AMDHD1: variants seen among roughly 807,000 people sequenced by gnomAD.
The protein encoded by AMDHD1 is amidohydrolase domain containing 1, also known as probable imidazolonepropionase.
AMDHD1 carries 45 observed loss-of-function variants against 44.1 expected under a neutral mutation model. The observed-to-expected ratio is 1.02, with a 90% CI of 0.80 to 1.31. AMDHD1 has a LOEUF of 1.31. Among genes scored for constraint, AMDHD1 ranks in the 50% most tolerant of loss-of-function variants. The pLI, the probability that AMDHD1 is intolerant of heterozygous loss-of-function variation, is 0.00. For synonymous variants in AMDHD1, 206 were observed against 205.0 expected (o/e 1.00, Z -0.04); for missense variants, 586 against 552.1 (o/e 1.06, Z -0.61).
At chr12:95,955,512 A>G (rs945796982) in intron 3 of AMDHD1, among the ~76,000 whole-genome samples, 1 of 152,170 alleles carries the variant, frequency 6.6e-6, no homozygotes, top group African/African-American at 2.4e-5. Context: ...TTATTTCAGG[A>G]AAAGAAAAAA....
chr12:95,965,610 GTTCTC>G, intron 6 of AMDHD1, 71 bp from the exon 7 acceptor site: 1 of 913,422 alleles, frequency 1.1e-6, no homozygotes, highest in Non-Finnish European at 1.7e-6. Context: ...ACTGTCTCAA[GTTCTC>G]TTCTGTTCTG....
intron 2 of AMDHD1, among the ~76,000 whole-genome samples, chr12:95,954,706 T>C (rs987399087): frequency 4.6e-5 from 7 of 152,184 alleles, no homozygotes; most frequent in African/African-American, 7.2e-5. Flanking sequence ...CATTAGAGCT[T>C]TCTAGACCAA....
At chr12:95,955,088 A>T in intron 3 of AMDHD1, 113 bp downstream of exon 3, 1 of 1,042,120 alleles carries the variant, frequency 9.6e-7, no homozygotes, top group African/African-American at 1.6e-5. Context: ...TTTTTAATGG[A>T]TATTTTTACT....
chr12:95,957,912 G>A (rs936921599), intron 4 of AMDHD1, among the ~76,000 whole-genome samples: 1 of 152,094 alleles, frequency 6.6e-6, no homozygotes, highest in Non-Finnish European at 1.5e-5. Context: ...AATTAGCGAG[G>A]CGTGGTGGCC....
intron 3 of AMDHD1, among the ~76,000 whole-genome samples, chr12:95,956,103 G>GTTTTA (rs1592823463): frequency 1.3e-5 from 2 of 151,934 alleles, no homozygotes; most frequent in East Asian, 3.9e-4. Context: ...GTTTTGTTTT[G>GTTTTA]TTTTGTTTGT....
At chr12:95,944,854 C>T (rs1171034489) in intron 1 of AMDHD1, among the ~76,000 whole-genome samples, 1 of 152,134 alleles carries the variant, frequency 6.6e-6, no homozygotes, top group Non-Finnish European at 1.5e-5. Flanking sequence ...ATCAATGCGA[C>T]CAGGCACAGT....
chr12:95,948,580 C>G lies in AMDHD1; in HGVS notation c.138-4137C>G, dbSNP rs1214856782. ...CCCACCGCCCAGCCAGCCGACCCGT[C>G]CGGGAGGTGAGGGGCGCCTCTGCCC... On this transcript the variant is annotated intron_variant, in intron 1 of 8. Transcript: ENST00000266736. Among the ~76,000 whole-genome samples, 17 of 83,964 alleles carry G rather than the reference C, an allele frequency of 2.0e-4. 2 individuals carry two copies. The highest frequency in any genetic ancestry group is 8.5e-4 in the African/African-American group (17 of 20,074). The allele number at this position is 83,964 out of a possible 152,430, so 55.1% of individuals were successfully genotyped here.
rs181780914 is a variant in AMDHD1 at position 95,956,922 on chromosome 12, G to C, written c.547G>C (p.Gly183Arg). The part of the protein sequence containing the change: ...IERARRELDI[G>R]ISATYCGAHS... Reference sequence around the variant, plus strand: ...GCGCGCCCGGCGGGAGCTGGACATCGGCATCTCGGCTACCTACTGCGGGGC... The same window carrying C: ...GCGCGCCCGGCGGGAGCTGGACATCCGCATCTCGGCTACCTACTGCGGGGC... Residue 183 changes from glycine to arginine, a missense_variant, in exon 4 of 9, where the codon GGC becomes CGC. Gly to Arg is a moderately radical substitution (Grantham distance 125). Transcript: ENST00000266736. The C allele has an allele frequency of 5.0e-6, 8 of 1,612,702 alleles. No homozygotes were observed. Among genetic ancestry groups the C allele is most frequent in the South Asian group, 1.1e-5 (1 of 91,010 alleles).
chr12:95,965,990 A>G (rs1422106089), intron 7 of AMDHD1, among the ~76,000 whole-genome samples: 1 of 152,242 alleles, frequency 6.6e-6, no homozygotes, highest in Non-Finnish European at 1.5e-5. Flanking sequence ...AAGCTTCTAC[A>G]TGCATTATTT....
rs73214305 is a variant in AMDHD1 at position 95,954,434 on chromosome 12, G to A, written c.245-477G>A. On this transcript the variant is annotated intron_variant, in intron 2 of 8. Coordinates refer to ENST00000266736, the MANE Select transcript of AMDHD1 (RefSeq NM_152435.3). ...CATGGCAAATTTTAGCTTGTGTGGT[G>A]GTGCATGACTATAGTCCCAGCTACT... is the stretch of plus-strand genomic sequence containing the variant. Among the ~76,000 whole-genome samples the A allele has an allele frequency of 1.0e-3, 153 of 152,076 alleles. 1 individual carries two copies. The highest frequency in any genetic ancestry group is 2.0e-3 in the Non-Finnish European group (137 of 67,982).
chr12:95,949,160 G>GAAAAAAAAAAAAAAAAAAAAAAAAA (rs1358481972), intron 1 of AMDHD1, among the ~76,000 whole-genome samples: 5 of 101,774 alleles, frequency 4.9e-5, no homozygotes, highest in Non-Finnish European at 9.0e-5. Flanking sequence ...AAAAAAAAAA[G>GAAAAAAAAAAAAAAAAAAAAAAAAA]AAAAAAAAAA....
chr12:95,944,393 T>G (rs1336518846), intron 1 of AMDHD1, among the ~76,000 whole-genome samples: 2 of 151,720 alleles, frequency 1.3e-5, no homozygotes, highest in Admixed American at 1.3e-4. Flanking sequence ...CATGAGCCAC[T>G]GCGCCCAGCC....
At chr12:95,962,640 C>T (rs771512929) in intron 6 of AMDHD1, among the ~76,000 whole-genome samples, 161 bp downstream of exon 6, 1 of 152,206 alleles carries the variant, frequency 6.6e-6, no homozygotes, top group South Asian at 2.1e-4. Flanking sequence ...GACTGATGTT[C>T]GTAAACGAAT....
intron 5 of AMDHD1, among the ~76,000 whole-genome samples, chr12:95,961,194 T>C (rs1421776730): frequency 1.3e-5 from 2 of 151,872 alleles, no homozygotes; most frequent in Non-Finnish European, 2.9e-5. Flanking sequence ...TGATCTCTTT[T>C]ACTAAATTTC....
intron 6 of AMDHD1, among the ~76,000 whole-genome samples, chr12:95,964,928 C>CAAAAAAAAAAAAA (rs60076877): frequency 0.023 from 809 of 35,774 alleles, 228 homozygotes; most frequent in African/African-American, 0.045. Flanking sequence ...ATGTTTGAGG[C>CAAAAAAAAAAAAA]AAAAAAAAAA....
Position 95,949,148 on chromosome 12 carries a change from AAAAAAAAAAAAG to A in AMDHD1, c.138-3557_138-3546del, listed in dbSNP as rs1362593437. Among the ~76,000 whole-genome samples the A allele has an allele frequency of 7.5e-5, 11 of 145,872 alleles. 1 individual carries two copies. The highest frequency in any genetic ancestry group is 1.4e-4 in the Non-Finnish European group (9 of 66,066). Reference sequence around the variant, plus strand: ...TCAATAAAAAAATAAATTAAAAAAAAAAAAAAAAAAAGAAAAAAAAAAAAAAAAAAGAGACTG... The same window carrying A: ...TCAATAAAAAAATAAATTAAAAAAAAAAAAAAAAAAAAAAAAAAGAGACTG... On this transcript the variant is annotated intron_variant, in intron 1 of 8. Coordinates refer to ENST00000266736, the MANE Select transcript of AMDHD1 (RefSeq NM_152435.3).
chr12:95,954,573 TAAATA>T lies in AMDHD1; in HGVS notation c.245-304_245-300del, dbSNP rs71435789. Among the ~76,000 whole-genome samples, 175 of 147,206 alleles carry T rather than the reference TAAATA, an allele frequency of 1.2e-3. 1 individual carries two copies. The highest frequency in any genetic ancestry group is 3.1e-3 in the African/African-American group (123 of 39,330). ...ACAGAGTGAGAACCTTTCTCAAAAA[TAAATA>T]AAATAAAATAAAATAAAATAAAATA... On this transcript the variant is annotated intron_variant, in intron 2 of 8. Coordinates refer to ENST00000266736, the MANE Select transcript of AMDHD1 (RefSeq NM_152435.3).
rs1375131926 is a variant in AMDHD1, at chr12:95,967,781, G to A, written c.1219G>A (p.Gly407Arg). Residue 407 changes from glycine to arginine, a missense_variant, in exon 9 of 9, where the codon GGA (glycine) becomes AGA (arginine). Gly to Arg is a moderately radical substitution (Grantham distance 125, BLOSUM62 -2). Transcript: ENST00000266736. ...SRWEHLIYQF[G>R]GHHELIEYVI... is the part of the protein sequence containing the mutation. Reference sequence around the variant, plus strand: ...ATGGGAGCATTTGATTTACCAGTTCGGAGGCCATCATGAATTAATTGAATA... The same window carrying A: ...ATGGGAGCATTTGATTTACCAGTTCAGAGGCCATCATGAATTAATTGAATA... 18 of 1,582,168 alleles carry A rather than the reference G, an allele frequency of 1.1e-5. No individual in the cohort carries two copies. Among genetic ancestry groups the A allele is most frequent in the African/African-American group, 7.0e-5 (5 of 71,560 alleles).
chr12:95,965,254 G>A (rs181100565), intron 6 of AMDHD1, among the ~76,000 whole-genome samples: 62 of 146,004 alleles, frequency 4.2e-4, no homozygotes, highest in African/African-American at 9.6e-4. Flanking sequence ...AGCCGAGATC[G>A]TGCCACTGCA....
Sources: allele counts gnomAD v4.1 joint callset (sites outside exome capture counted in the v4.1 genomes callset), GRCh38; gene constraint gnomAD v4.1.1; transcripts MANE v1.5; gene names NCBI Gene and HGNC (gene_info 2026-07-23, HGNC 2026-07-21).